GRIK2: variants seen among roughly 807,000 people sequenced by gnomAD.
GRIK2 encodes the protein glutamate receptor ionotropic, kainate 2.
A neutral mutation model predicts 100.3 loss-of-function variants in GRIK2; 32 were observed. That is an observed-to-expected ratio of 0.32 (90% confidence interval 0.24 to 0.43). The LOEUF (loss-of-function observed/expected upper bound fraction) is 0.43, where lower values mean the gene tolerates loss of function less well. GRIK2 is among the 20% of genes least tolerant of loss of function. GRIK2 has a pLI of 1.00. For missense variants in GRIK2, 843 were observed against 1,114.9 expected, an observed-to-expected ratio of 0.76 and a Z score of 3.47; for synonymous variants, 417 against 389.4, an observed-to-expected ratio of 1.07 and a Z score of -0.83.
chr6:102,031,128 C>T (rs948169571), intron 14 of GRIK2, among the ~76,000 whole-genome samples: 6 of 65,554 alleles, frequency 9.2e-5, no homozygotes, highest in African/African-American at 2.5e-4. Flanking sequence ...CACACACACA[C>T]CCCCTTTGAG....
chr6:101,540,015 C>G (rs1775907131), intron 2 of GRIK2, among the ~76,000 whole-genome samples: 1 of 151,706 alleles, frequency 6.6e-6, no homozygotes, highest in African/African-American at 2.4e-5. Flanking sequence ...TTTGTTCCAC[C>G]TGCCAATAAA....
intron 16 of GRIK2, among the ~76,000 whole-genome samples, chr6:102,063,556 C>G (rs1035462094): frequency 2.7e-5 from 4 of 150,712 alleles, no homozygotes; most frequent in Non-Finnish European, 4.5e-5. Flanking sequence ...ATGATTTCAA[C>G]TACACTTCTA....
chr6:101,974,079 T>C (rs568946284), intron 14 of GRIK2, among the ~76,000 whole-genome samples: 1 of 152,102 alleles, frequency 6.6e-6, no homozygotes, highest in South Asian at 2.1e-4. Flanking sequence ...AAGTTATTTT[T>C]AATAATAGAG....
chr6:101,991,024 A>T (rs1482548326), intron 14 of GRIK2, among the ~76,000 whole-genome samples: 1 of 151,910 alleles, frequency 6.6e-6, no homozygotes, highest in African/African-American at 2.4e-5. Context: ...TAAGATGCAC[A>T]TGCTAAAGCA....
intron 2 of GRIK2, among the ~76,000 whole-genome samples, chr6:101,527,639 A>G (rs1156935212): frequency 1.3e-5 from 2 of 152,144 alleles, no homozygotes; most frequent in African/African-American, 4.8e-5. Context: ...TGTGGGTTGT[A>G]GCAAGCTGTG....
rs117347827 is a variant in GRIK2, at chr6:102,045,470, T to C, written c.2312-9860T>C. 1.8e-4 allele frequency among the ~76,000 whole-genome samples: 27 copies of C among 152,222 alleles called. No homozygotes were observed. The East Asian group carries it at 5.2e-3, about 29-fold the overall frequency. ...ATCTCAAATCCATTTTGTTCATTTC[T>C]TCTAGATTTAGAGGATAGGATGAGG... On this transcript the variant is annotated intron_variant, in intron 15 of 16. Transcript: ENST00000369134.
chr6:101,882,624 T>C (rs902075785), intron 11 of GRIK2, among the ~76,000 whole-genome samples: 1 of 152,106 alleles, frequency 6.6e-6, no homozygotes, highest in African/African-American at 2.4e-5. Context: ...CTGAATTTTA[T>C]AACTCAATTG....
chr6:101,771,932 A>G (rs1043425060), intron 7 of GRIK2, among the ~76,000 whole-genome samples: 1 of 152,014 alleles, frequency 6.6e-6, no homozygotes, highest in East Asian at 1.9e-4. Flanking sequence ...CCCGTCTATC[A>G]TTGTTGGACA....
chr6:102,006,840 A>C (rs947530282), intron 14 of GRIK2, among the ~76,000 whole-genome samples: 4 of 152,078 alleles, frequency 2.6e-5, no homozygotes, highest in Non-Finnish European at 4.4e-5. Context: ...TTATTGTTTG[A>C]TATTACTATC....
chr6:101,570,155 T>G (rs1777463576), intron 2 of GRIK2, among the ~76,000 whole-genome samples: 1 of 152,112 alleles, frequency 6.6e-6, no homozygotes, highest in Non-Finnish European at 1.5e-5. Flanking sequence ...AGTTTGAATC[T>G]CAGTCCTCCC....
At chr6:101,650,031 A>G (rs193212144) in intron 4 of GRIK2, among the ~76,000 whole-genome samples, 140 of 152,208 alleles carry the variant, frequency 9.2e-4, no homozygotes, top group South Asian at 2.5e-3. Context: ...GCTCTTTGCA[A>G]CAGGGCTTCC....
intron 7 of GRIK2, among the ~76,000 whole-genome samples, chr6:101,720,095 T>G (rs1298639069): frequency 6.6e-6 from 1 of 151,966 alleles, no homozygotes; most frequent in African/African-American, 2.4e-5. Flanking sequence ...GATTTCGTTT[T>G]TTTTTCTTTC....
At chr6:101,442,269 A>G (rs2128246464) in intron 2 of GRIK2, among the ~76,000 whole-genome samples, 1 of 152,178 alleles carries the variant, frequency 6.6e-6, no homozygotes, top group Non-Finnish European at 1.5e-5. Flanking sequence ...TTGGGAGAAA[A>G]GGAAAAAGGA....
At chr6:102,064,024 T>C in intron 16 of GRIK2, 1 of 1,519,596 alleles carries the variant, frequency 6.6e-7, no homozygotes, top group Non-Finnish European at 9.1e-7. Context: ...CTTTTGAAAC[T>C]TACTAAAAGA....
At chr6:101,856,091 C>T (rs1784412238) in intron 10 of GRIK2, among the ~76,000 whole-genome samples, 1 of 152,038 alleles carries the variant, frequency 6.6e-6, no homozygotes, top group South Asian at 2.1e-4. Flanking sequence ...GTTTTAGGGC[C>T]CATGGCAATG....
chr6:101,881,862 A>C (rs1786272232), intron 11 of GRIK2, among the ~76,000 whole-genome samples: 1 of 152,090 alleles, frequency 6.6e-6, no homozygotes, highest in African/African-American at 2.4e-5. Context: ...CTAAAAAATA[A>C]ATAAATAAGT....
intron 7 of GRIK2, among the ~76,000 whole-genome samples, chr6:101,796,297 T>G (rs912837810): frequency 6.6e-6 from 1 of 152,186 alleles, no homozygotes; most frequent in African/African-American, 2.4e-5. Context: ...AGATATTGAA[T>G]GAATGTTGGC....
intron 7 of GRIK2, among the ~76,000 whole-genome samples, chr6:101,707,588 G>GTATATATATA (rs1491170927): frequency 1.5e-5 from 2 of 132,866 alleles, no homozygotes; most frequent in Non-Finnish European, 3.1e-5. Context: ...GTGTGTGTGT[G>GTATATATATA]TGTGTGTATA....
chr6:101,959,788 A>AT (rs529180955), intron 14 of GRIK2, among the ~76,000 whole-genome samples: 9 of 151,870 alleles, frequency 5.9e-5, no homozygotes, highest in African/African-American at 9.7e-5. Flanking sequence ...TGCTTTTAGG[A>AT]TTTTTTTCCT....
Sources: allele counts gnomAD v4.1 joint callset (sites outside exome capture counted in the v4.1 genomes callset), GRCh38; gene constraint gnomAD v4.1.1; transcripts MANE v1.5; gene names NCBI Gene and HGNC (gene_info 2026-07-23, HGNC 2026-07-21).